Variants in TNFRSF13B observed in about 807,000 individuals in gnomAD.
TNFRSF13B encodes the protein TNF receptor superfamily member 13B, also known as tumor necrosis factor receptor superfamily member 13B.
Under a neutral mutation model 24.0 loss-of-function variants are expected in TNFRSF13B, and 34 were observed. The observed-to-expected ratio is 1.41, with a 90% confidence interval of 1.08 to 1.88. The LOEUF (loss-of-function observed/expected upper bound fraction) is 1.88. TNFRSF13B is among the 40% of genes most tolerant of loss of function. The pLI, the probability that TNFRSF13B is intolerant of heterozygous loss-of-function variation, is 0.00. For missense variants in TNFRSF13B, 415 were observed against 380.8 expected, an observed-to-expected ratio of 1.09 and a Z score of -0.75; for synonymous variants, 173 against 150.3, an observed-to-expected ratio of 1.15 and a Z score of -1.10.
chr17:16,946,752 TA>T (rs1457825525), intron 3 of TNFRSF13B, among the ~76,000 whole-genome samples: 32 of 152,010 alleles, frequency 2.1e-4, no homozygotes, highest in Admixed American at 2.0e-3. Context: ...CAGATCCAGC[TA>T]ATTTTTGTAT....
intron 1 of TNFRSF13B, among the ~76,000 whole-genome samples, chr17:16,961,955 C>T (rs2087665298): frequency 6.6e-6 from 1 of 152,174 alleles, no homozygotes; most frequent in African/African-American, 2.4e-5. Context: ...AACAGGACCC[C>T]TGTCAGCAGA....
At chr17:16,942,187 G>A (rs1238555496) in intron 3 of TNFRSF13B, among the ~76,000 whole-genome samples, 1 of 152,136 alleles carries the variant, frequency 6.6e-6, no homozygotes, top group Admixed American at 6.5e-5. Flanking sequence ...GCGTTGCACA[G>A]CATCTGCCGT....
At chr17:16,944,917 C>T (rs2087536685) in intron 3 of TNFRSF13B, among the ~76,000 whole-genome samples, 1 of 152,156 alleles carries the variant, frequency 6.6e-6, no homozygotes, top group Non-Finnish European at 1.5e-5. Context: ...ACATGGTGTC[C>T]TCTGCTCTCT....
At chr17:16,953,664 T>C (rs1416668046) in intron 1 of TNFRSF13B, among the ~76,000 whole-genome samples, 1 of 152,238 alleles carries the variant, frequency 6.6e-6, no homozygotes, top group Non-Finnish European at 1.5e-5. Flanking sequence ...AATCTTCCAC[T>C]GTGTGCATGC....
chr17:16,968,288 A>G (rs1372162211), intron 1 of TNFRSF13B, among the ~76,000 whole-genome samples: 1 of 152,242 alleles, frequency 6.6e-6, no homozygotes, highest in African/African-American at 2.4e-5. Context: ...CATAGTTGGA[A>G]GACTCATGTT....
chr17:16,969,013 C>T (rs182596610), intron 1 of TNFRSF13B, among the ~76,000 whole-genome samples: 7 of 152,296 alleles, frequency 4.6e-5, no homozygotes, highest in Admixed American at 4.6e-4. Context: ...ACCTCACACC[C>T]CTTGGGATGG....
chr17:16,948,437 A>G (rs944866529), intron 3 of TNFRSF13B, among the ~76,000 whole-genome samples: 3 of 152,248 alleles, frequency 2.0e-5, no homozygotes, highest in African/African-American at 7.2e-5. Flanking sequence ...GTGCTCACAC[A>G]GGTGGGTCTG....
chr17:16,947,940 A>T (rs897788972), intron 3 of TNFRSF13B, among the ~76,000 whole-genome samples: 1 of 152,244 alleles, frequency 6.6e-6, no homozygotes, highest in African/African-American at 2.4e-5. Flanking sequence ...AAGACATGGA[A>T]TCAATCTGGG....
intron 1 of TNFRSF13B, among the ~76,000 whole-genome samples, chr17:16,956,895 AG>A (rs1166358504): frequency 1.3e-5 from 2 of 152,184 alleles, no homozygotes; most frequent in Non-Finnish European, 2.9e-5. Flanking sequence ...GAGGATTTTT[AG>A]GGCAGTGAAG....
intron 1 of TNFRSF13B, among the ~76,000 whole-genome samples, chr17:16,953,830 T>C (rs7222430): frequency 0.73 from 111,273 of 152,086 alleles, 40,836 homozygotes; most frequent in East Asian, 0.92. Context: ...GTGCAGTGGG[T>C]GTGATCTTGG....
chr17:16,957,349 T>G (rs1375271246), intron 1 of TNFRSF13B, among the ~76,000 whole-genome samples: 1 of 151,670 alleles, frequency 6.6e-6, no homozygotes, highest in African/African-American at 2.4e-5. Flanking sequence ...GAAAAAAGAT[T>G]GAGGAAAATT....
At chr17:16,941,121 T>G in intron 3 of TNFRSF13B, 2 of 688,452 alleles carry the variant, frequency 2.9e-6, no homozygotes, top group Non-Finnish European at 3.6e-6. Context: ...CTGTATTGTT[T>G]AGGGATAACA....
intron 4 of TNFRSF13B, chr17:16,940,018 G>C (rs551456176): frequency 1.0e-6 from 1 of 956,264 alleles, no homozygotes; most frequent in East Asian, 2.7e-5. Context: ...GTCCAGCACC[G>C]AGCCTGCCAC....
At chr17:16,940,151 C>A in intron 4 of TNFRSF13B, 175 bp downstream of exon 4, 1 of 1,472,236 alleles carries the variant, frequency 6.8e-7, no homozygotes, top group East Asian at 2.4e-5. Context: ...GCCACTCTCC[C>A]AGTTATCTGT....
chr17:16,970,777 T>C (rs935877976), intron 1 of TNFRSF13B, among the ~76,000 whole-genome samples: 1 of 152,198 alleles, frequency 6.6e-6, no homozygotes, highest in African/African-American at 2.4e-5. Flanking sequence ...ACTGGGCAAT[T>C]TCATCCTGTG....
intron 3 of TNFRSF13B, chr17:16,940,947 A>G (rs975094636): frequency 8.3e-6 from 9 of 1,078,530 alleles, no homozygotes; most frequent in Non-Finnish European, 9.0e-6. Context: ...GACTGGTTCC[A>G]GGATCCCCTA....
At chr17:16,946,341 C>T (rs1465335203) in intron 3 of TNFRSF13B, among the ~76,000 whole-genome samples, 1 of 152,068 alleles carries the variant, frequency 6.6e-6, no homozygotes, top group South Asian at 2.1e-4. Flanking sequence ...CAGATGCCAT[C>T]GCTAGTATTT....
At chr17:16,952,761 G>A (rs1357810384) in intron 1 of TNFRSF13B, among the ~76,000 whole-genome samples, 178 bp from the exon 2 acceptor site, 1 of 152,138 alleles carries the variant, frequency 6.6e-6, no homozygotes, top group Non-Finnish European at 1.5e-5. Flanking sequence ...TAGGGGCCTG[G>A]GGCAGCCACC....
chr17:16,955,535 G>A (rs2087618797), intron 1 of TNFRSF13B, among the ~76,000 whole-genome samples: 1 of 152,210 alleles, frequency 6.6e-6, no homozygotes, highest in Non-Finnish European at 1.5e-5. Context: ...AGGAGATTAT[G>A]GAATCATTTC....
Sources: allele counts gnomAD v4.1 joint callset (sites outside exome capture counted in the v4.1 genomes callset), GRCh38; gene constraint gnomAD v4.1.1; transcripts MANE v1.5; gene names NCBI Gene and HGNC (gene_info 2026-07-23, HGNC 2026-07-21).